Variants in CTIF observed in about 807,000 individuals in gnomAD.
The protein encoded by CTIF is cap binding complex dependent translation initiation factor, also known as CBP80/20-dependent translation initiation factor.
A neutral mutation model predicts 66.0 loss-of-function variants in CTIF; 21 were observed. The ratio of observed to expected loss-of-function variants is 0.32; its 90% confidence interval spans 0.23 to 0.46. CTIF has a LOEUF of 0.46. CTIF is among the 20% of genes least tolerant of loss of function. CTIF has a pLI of 1.00. For synonymous variants in CTIF, 345 were observed against 326.4 expected, an observed-to-expected ratio of 1.06 and a Z score of -0.62; for missense variants, 739 against 812.7, an observed-to-expected ratio of 0.91 and a Z score of 1.10.
intron 3 of CTIF, among the ~76,000 whole-genome samples, chr18:48,647,329 A>G (rs747840114): frequency 3.9e-5 from 6 of 152,368 alleles, no homozygotes; most frequent in East Asian, 1.9e-4. Context: ...GGATGTGGCT[A>G]TAAGGGGCAG....
In CTIF at chr18:48,722,728, C is replaced by T. The variant is rs12606883; in HGVS notation, c.584+11033C>T. Among the ~76,000 whole-genome samples the T allele has an allele frequency of 1.4e-4, 21 of 152,278 alleles. No individual in the cohort carries two copies. The East Asian group carries it at 3.1e-3, about 22-fold the overall frequency. On this transcript the variant is annotated intron_variant, in intron 7 of 11. Coordinates refer to ENST00000256413, the MANE Select transcript of CTIF (RefSeq NM_014772.3). ...AGCGCTCACAGGTGTAAGCACCCGG[C>T]CGTACCCATCAGCGCTCACAGGTGT...
At chr18:48,676,615 C>A (rs768489247) in intron 6 of CTIF, among the ~76,000 whole-genome samples, 1 of 152,066 alleles carries the variant, frequency 6.6e-6, no homozygotes, top group Non-Finnish European at 1.5e-5. Flanking sequence ...GGACGCCACC[C>A]GGTCAAGTGG....
intron 1 of CTIF, among the ~76,000 whole-genome samples, chr18:48,602,842 G>A (rs1190966524): frequency 6.8e-6 from 1 of 147,000 alleles, no homozygotes; most frequent in Non-Finnish European, 1.5e-5. Context: ...TGGATGGATG[G>A]ATGGATGAAT....
intron 7 of CTIF, among the ~76,000 whole-genome samples, chr18:48,730,174 C>T (rs1464970213): frequency 1.3e-5 from 2 of 151,940 alleles, no homozygotes; most frequent in African/African-American, 2.4e-5. Context: ...AGGGCCTCCA[C>T]AGTGTGAGGG....
intron 5 of CTIF, among the ~76,000 whole-genome samples, chr18:48,665,392 A>T (rs1263988981): frequency 1.3e-5 from 2 of 152,218 alleles, no homozygotes; most frequent in Non-Finnish European, 2.9e-5. Context: ...GGCAGACCTC[A>T]GGACGGGAAT....
chr18:48,594,605 C>A (rs2089956598), intron 1 of CTIF, among the ~76,000 whole-genome samples: 1 of 152,168 alleles, frequency 6.6e-6, no homozygotes, highest in South Asian at 2.1e-4. Context: ...CCGGCCTCTG[C>A]CCCTTCCCTC....
intron 6 of CTIF, among the ~76,000 whole-genome samples, chr18:48,686,536 GT>G (rs72186004): frequency 0.24 from 35,843 of 151,964 alleles, 4,491 homozygotes; most frequent in Middle Eastern, 0.31. Context: ...CGGTTCTCAC[GT>G]TTTTTTACTC....
chr18:48,577,782 C>G (rs1253572046), intron 1 of CTIF, among the ~76,000 whole-genome samples: 1 of 152,172 alleles, frequency 6.6e-6, no homozygotes, highest in East Asian at 1.9e-4. Context: ...ACCATGTTGC[C>G]CAGTCTGGCC....
At position 48,663,813 on chromosome 18, in the gene CTIF, T is replaced by G. The variant is rs767743057; in HGVS notation, c.314T>G (p.Phe105Cys). The G allele has an allele frequency of 2.5e-6, 4 of 1,614,080 alleles. No individual in the cohort carries two copies. The East Asian group carries it at 8.9e-5, about 36-fold the overall frequency. Residue 105 changes from phenylalanine to cysteine, a missense_variant, in exon 4 of 12, where the codon TTC becomes TGC. By Grantham distance (205) the Phe-to-Cys change is radical. Coordinates refer to ENST00000256413, the MANE Select transcript of CTIF (RefSeq NM_014772.3). ...LGTDIWAANT[F>C]DSFSGATWDL... Reference sequence around the variant, plus strand: ...ACGGACATCTGGGCGGCCAACACCTTCGATTCCTTCAGGTAACCTCCTCCT... The same window carrying G: ...ACGGACATCTGGGCGGCCAACACCTGCGATTCCTTCAGGTAACCTCCTCCT...
chr18:48,756,976 A>G lies in CTIF; in HGVS notation c.585-943A>G, dbSNP rs141239518. Among the ~76,000 whole-genome samples the G allele has an allele frequency of 3.3e-3, 503 of 151,948 alleles. 7 individuals carry two copies. Among genetic ancestry groups the G allele is most frequent in the African/African-American group, 0.011 (447 of 41,426 alleles). On this transcript the variant is annotated intron_variant, in intron 7 of 11. Coordinates refer to ENST00000256413, the MANE Select transcript of CTIF (RefSeq NM_014772.3). ...GGGCTGCATAAACAAGAGGCATTTT[A>G]TTTTCTGACACTTCTGGAGGCTGGA...
chr18:48,581,223 T>C (rs775668137), intron 1 of CTIF, among the ~76,000 whole-genome samples: 1 of 151,714 alleles, frequency 6.6e-6, no homozygotes, highest in Non-Finnish European at 1.5e-5. Context: ...TTTTGTTTTT[T>C]TTTGGGTTTT....
At chr18:48,797,167 C>T (rs1158899882) in intron 9 of CTIF, among the ~76,000 whole-genome samples, 1 of 152,194 alleles carries the variant, frequency 6.6e-6, no homozygotes, top group African/African-American at 2.4e-5. Context: ...CAACTTGTCT[C>T]AGTCCTGTTT....
At chr18:48,703,981 T>G (rs372698677) in intron 6 of CTIF, among the ~76,000 whole-genome samples, 5 of 152,208 alleles carry the variant, frequency 3.3e-5, no homozygotes, top group African/African-American at 1.2e-4. Flanking sequence ...CTCCCACTTC[T>G]GGGCCTGGGG....
intron 9 of CTIF, among the ~76,000 whole-genome samples, chr18:48,798,378 G>T (rs923557524): frequency 6.6e-6 from 1 of 152,144 alleles, no homozygotes; most frequent in Non-Finnish European, 1.5e-5. Context: ...AACCCTCTTC[G>T]GTTTGGGGTT....
chr18:48,814,701 AATTC>A (rs1430735856), intron 9 of CTIF, among the ~76,000 whole-genome samples: 1 of 152,168 alleles, frequency 6.6e-6, no homozygotes, highest in African/African-American at 2.4e-5. Flanking sequence ...CAGGCAATGT[AATTC>A]ATTCATTCAC....
At chr18:48,754,750 C>T (rs1202448314) in intron 7 of CTIF, among the ~76,000 whole-genome samples, 1 of 152,244 alleles carries the variant, frequency 6.6e-6, no homozygotes, top group African/African-American at 2.4e-5. Context: ...TGAGAACGCC[C>T]ACTAATGCCA....
At chr18:48,608,229 T>C (rs7240615) in intron 1 of CTIF, among the ~76,000 whole-genome samples, 18 of 152,338 alleles carry the variant, frequency 1.2e-4, no homozygotes, top group African/African-American at 3.6e-4. Context: ...CAGCACTTCT[T>C]AGCTCTAGCT....
At chr18:48,817,500 G>T (rs2068391843) in intron 10 of CTIF, 124 bp downstream of exon 10, 1 of 1,204,234 alleles carries the variant, frequency 8.3e-7, no homozygotes, top group South Asian at 1.5e-5. Flanking sequence ...TCCGGGCCAG[G>T]CACGGTGGCT....
intron 1 of CTIF, among the ~76,000 whole-genome samples, chr18:48,579,899 C>T (rs1420897585): frequency 1.3e-5 from 2 of 152,242 alleles, no homozygotes; most frequent in East Asian, 3.9e-4. Flanking sequence ...TAGTCATGAC[C>T]CTCTTGGAGA....
Sources: gnomAD v4.1 joint callset for allele counts (sites outside exome capture counted in the v4.1 genomes callset) on GRCh38, gnomAD v4.1.1 for gene constraint, MANE v1.5 for transcripts, NCBI Gene and HGNC (gene_info 2026-07-23, HGNC 2026-07-21) for gene names.